Variants in DRD3 observed in about 807,000 individuals in gnomAD.
DRD3 encodes the protein dopamine receptor D3, also known as D(3) dopamine receptor.
A neutral mutation model predicts 36.3 loss-of-function variants in DRD3; 19 were observed. The observed-to-expected ratio is 0.52, with a 90% confidence interval of 0.36 to 0.77. DRD3 has a LOEUF of 0.77. Among genes scored for constraint, DRD3 ranks in the 30% least tolerant of loss-of-function variants. The pLI, the probability that DRD3 is intolerant of heterozygous loss-of-function variation, is 0.00. For synonymous variants in DRD3, 195 were observed against 203.7 expected (o/e 0.96, Z 0.36); for missense variants, 465 against 505.3 (o/e 0.92, Z 0.77).
At chr3:114,129,349 A>T (rs2077406640) in intron 6 of DRD3, among the ~76,000 whole-genome samples, 1 of 152,068 alleles carries the variant, frequency 6.6e-6, no homozygotes, top group Non-Finnish European at 1.5e-5. Context: ...TCTCAAAAAA[A>T]ACAAAACAAA....
intron 3 of DRD3, among the ~76,000 whole-genome samples, chr3:114,155,256 A>G (rs1040496073): frequency 3.3e-5 from 5 of 152,354 alleles, no homozygotes; most frequent in Admixed American, 1.3e-4. Flanking sequence ...TGCTGTGAAG[A>G]ATAATGAACC....
chr3:114,187,966 A>G (rs1190071617), intron 1 of DRD3, among the ~76,000 whole-genome samples: 3 of 152,100 alleles, frequency 2.0e-5, no homozygotes, highest in Non-Finnish European at 4.4e-5. Flanking sequence ...ATTCAACACA[A>G]TCATGCTCCT....
At chr3:114,197,374 G>A (rs1390735576) in intron 1 of DRD3, among the ~76,000 whole-genome samples, 1 of 138,720 alleles carries the variant, frequency 7.2e-6, no homozygotes, top group Non-Finnish European at 1.5e-5. Context: ...CCCCACCTCA[G>A]ACTCCCAAAA....
rs560035378 is a variant in DRD3 at position 114,134,476 on chromosome 3, G to A, written c.724-3076C>T. 8.5e-5 allele frequency among the ~76,000 whole-genome samples: 13 copies of A among 152,202 alleles called. No individual in the cohort carries two copies. In the South Asian group the frequency reaches 1.2e-3, roughly 15 times the overall value. On this transcript the variant is annotated intron_variant, in intron 5 of 6. Coordinates refer to ENST00000383673, the MANE Select transcript of DRD3 (RefSeq NM_000796.6). ...CACTCTGTCACCAGGCTGGAGTGAAGTGGCATGATCTCGGCTCATTGCAAC... is the reference window on the plus strand; with the variant it reads ...CACTCTGTCACCAGGCTGGAGTGAAATGGCATGATCTCGGCTCATTGCAAC...
chr3:114,129,043 T>C, intron 6 of DRD3, 131 bp from the exon 7 acceptor site: 1 of 986,586 alleles, frequency 1.0e-6, no homozygotes, highest in Admixed American at 3.0e-5. Flanking sequence ...CCACTTACTT[T>C]TTTTTATAAC....
intron 3 of DRD3, among the ~76,000 whole-genome samples, chr3:114,151,629 C>G (rs908898846): frequency 6.6e-6 from 1 of 152,168 alleles, no homozygotes; most frequent in African/African-American, 2.4e-5. Context: ...CTATAATGTT[C>G]AGCAACTCCC....
chr3:114,188,073 C>T lies in DRD3; in HGVS notation c.-155-9297G>A, dbSNP rs181812378. 2.0e-3 allele frequency among the ~76,000 whole-genome samples: 307 copies of T among 152,166 alleles called. 14 individuals are homozygous for T. The highest frequency in any genetic ancestry group is 0.02 in the Admixed American group (300 of 15,286). ...ACTTGGAGAATCAAGTTTATTATTT[C>T]GGCTGGGGCTTTGGCAAATAACAGA... is the stretch of plus-strand genomic sequence containing the variant. On this transcript the variant is annotated intron_variant, in intron 1 of 7. Transcript: ENST00000460779.
chr3:114,180,933 A>G (rs1402735724), upstream of DRD3, among the ~76,000 whole-genome samples: 1 of 152,220 alleles, frequency 6.6e-6, no homozygotes, highest in Non-Finnish European at 1.5e-5. Flanking sequence ...TAAGGAGTTA[A>G]GAACCTCATA....
chr3:114,179,798 A>G (rs2077936052), upstream of DRD3, among the ~76,000 whole-genome samples: 1 of 152,144 alleles, frequency 6.6e-6, no homozygotes, highest in South Asian at 2.1e-4. Flanking sequence ...TTGTTTGACT[A>G]TGATGGAGAC....
At chr3:114,165,933 G>A (rs1042807863) in intron 2 of DRD3, among the ~76,000 whole-genome samples, 1 of 151,518 alleles carries the variant, frequency 6.6e-6, no homozygotes, top group African/African-American at 2.4e-5. Flanking sequence ...TAGACTTCCA[G>A]GGCTGCCCTG....
At chr3:114,141,817 C>T (rs1450065686) in intron 4 of DRD3, among the ~76,000 whole-genome samples, 2 of 151,972 alleles carry the variant, frequency 1.3e-5, no homozygotes, top group East Asian at 1.9e-4. Flanking sequence ...TTTGAGAGGC[C>T]GAGGCAGGTG....
At chr3:114,177,840 GT>G (rs2077915938) in intron 1 of DRD3, among the ~76,000 whole-genome samples, 1 of 152,140 alleles carries the variant, frequency 6.6e-6, no homozygotes, top group African/African-American at 2.4e-5. Flanking sequence ...TCAAGCAGTG[GT>G]TCTTCACTCT....
chr3:114,151,601 T>C (rs1021178039), intron 3 of DRD3, among the ~76,000 whole-genome samples: 1 of 152,228 alleles, frequency 6.6e-6, no homozygotes, highest in Admixed American at 6.5e-5. Context: ...CTGAGAGTTA[T>C]ATACTTTCCT....
chr3:114,158,508 C>T (rs766094621), intron 3 of DRD3, among the ~76,000 whole-genome samples: 10 of 152,146 alleles, frequency 6.6e-5, no homozygotes, highest in Admixed American at 6.5e-5. Context: ...AGCTGGTTTG[C>T]TTTATTATCA....
intron 1 of DRD3, among the ~76,000 whole-genome samples, chr3:114,173,244 G>A (rs1242865006): frequency 6.6e-6 from 1 of 152,110 alleles, no homozygotes; most frequent in Non-Finnish European, 1.5e-5. Flanking sequence ...CTTCAGAACT[G>A]TCAAAAATAG....
chr3:114,173,909 C>T (rs1364202805), intron 1 of DRD3, among the ~76,000 whole-genome samples: 1 of 152,128 alleles, frequency 6.6e-6, no homozygotes, highest in Non-Finnish European at 1.5e-5. Context: ...ATCTGTAGCT[C>T]TCCCTTGATT....
rs777983208 is a variant in DRD3, at chr3:114,171,863, C to G, written c.130G>C (p.Val44Leu). 6.2e-7 allele frequency: 1 copy of G among 1,613,644 alleles called. No individual in the cohort carries two copies. The highest frequency in any genetic ancestry group is 1.1e-5 in the South Asian group (1 of 90,952). ...ATGCACACCAGGCCATTGCCGAAGA[C>G]GATGGCCAGGATGAGCGCGCAGTAG... ...LSYCALILAI[V>L]FGNGLVCMAV... The change falls in exon 2 of 7, where the codon GTC becomes CTC. Residue 44 changes from valine (V) to leucine (L), a missense_variant. Physicochemically the swap from Val to Leu is conservative, Grantham distance 32 (BLOSUM62 1). Transcript: ENST00000383673.
upstream of DRD3, among the ~76,000 whole-genome samples, chr3:114,180,434 C>T (rs1372191595): frequency 6.6e-6 from 1 of 152,008 alleles, no homozygotes; most frequent in East Asian, 1.9e-4. Context: ...TCCAATATGA[C>T]TGGTTTCCTA....
chr3:114,167,973 G>C (rs777499955), intron 2 of DRD3, among the ~76,000 whole-genome samples: 1 of 152,174 alleles, frequency 6.6e-6, no homozygotes, highest in African/African-American at 2.4e-5. Context: ...TATGGAAAAA[G>C]GCAGAGCTGA....
Sources: gnomAD v4.1 joint callset for allele counts (sites outside exome capture counted in the v4.1 genomes callset) on GRCh38, gnomAD v4.1.1 for gene constraint, MANE v1.5 for transcripts, NCBI Gene and HGNC (gene_info 2026-07-23, HGNC 2026-07-21) for gene names.